The following PDE5A variants were observed in gnomAD, a reference collection of about 807,000 sequenced individuals.
PDE5A encodes phosphodiesterase 5A, also known as cGMP-specific 3',5'-cyclic phosphodiesterase.
Under a neutral mutation model 110.2 loss-of-function variants are expected in PDE5A, and 67 were observed. The observed-to-expected ratio is 0.61, with a 90% CI of 0.50 to 0.75. PDE5A has a LOEUF of 0.75. Ranked by LOEUF, PDE5A falls within the 30% of genes least tolerant of loss-of-function variation. The probability of loss-of-function intolerance (pLI) is 0.00; values close to 1 mark genes in which losing one functional copy is unlikely to be tolerated. For missense variants in PDE5A, 862 were observed against 1,045.1 expected, an observed-to-expected ratio of 0.82 and a Z score of 2.42; for synonymous variants, 328 against 351.2, an observed-to-expected ratio of 0.93 and a Z score of 0.74.
At chr4:119,580,855 A>T (rs915618025) in intron 3 of PDE5A, among the ~76,000 whole-genome samples, 3 of 152,254 alleles carry the variant, frequency 2.0e-5, no homozygotes, top group Non-Finnish European at 2.9e-5. Flanking sequence ...GTTGTATTTC[A>T]TATCAGAATA....
Position 119,525,569 on chromosome 4 carries a change from T to C in PDE5A, c.1759A>G (p.Asn587Asp). Reference protein sequence around the residue: ...RMFTDLNLVQNFQMKHEVLCR... With the variant: ...RMFTDLNLVQDFQMKHEVLCR... ...CCTACCTCATGTTTCATCTGGAAGT[T>C]CTGCACAAGGTTGAGGTCAGTAAAC... Residue 587 changes from asparagine (N) to aspartate (D), a missense_variant, in exon 12 of 21, where the codon AAC (asparagine) becomes GAC (aspartate). By Grantham distance (23) the Asn-to-Asp change is conservative. Coordinates refer to ENST00000354960, the MANE Select transcript of PDE5A (RefSeq NM_001083.4). This position sits in a 1 kb window ranked among gnomAD's most constrained non-coding sequence, Gnocchi z 4.3. The C allele has an allele frequency of 6.2e-7, 1 of 1,613,044 alleles. No individual in the cohort carries two copies. Among genetic ancestry groups the C allele is most frequent in the South Asian group, 1.1e-5 (1 of 91,026 alleles).
At chr4:119,518,807 A>T (rs1726006578) in intron 14 of PDE5A, among the ~76,000 whole-genome samples, 1 of 152,222 alleles carries the variant, frequency 6.6e-6, no homozygotes, top group Non-Finnish European at 1.5e-5. Flanking sequence ...AAACTAAAGT[A>T]AAACTCCTGG....
In PDE5A at chr4:119,607,297, T is replaced by G; in HGVS notation, c.153A>C (p.Arg51Ser). The stretch of plus-strand genomic sequence containing the variant: ...CAGCAAACCATGCATTGACCATTTC[T>G]CTGCAGAACAGAACGTGCAGACACA... Reference protein sequence around the residue: ...TFSYFVRKATREMVNAWFAER... With the variant: ...TFSYFVRKATSEMVNAWFAER... The change falls in exon 2 of 21, where the codon AGA (arginine) becomes AGC (serine). Residue 51 changes from arginine to serine, a missense_variant and splice_region_variant. Arg to Ser is a moderately radical substitution (Grantham distance 110, BLOSUM62 -1). Coordinates refer to ENST00000354960, the MANE Select transcript of PDE5A (RefSeq NM_001083.4). 6.2e-7 allele frequency: 1 copy of G among 1,602,560 alleles called. No individual in the cohort carries two copies. Among genetic ancestry groups the G allele is most frequent in the South Asian group, 1.1e-5 (1 of 90,796 alleles).
At chr4:119,559,877 T>A (rs1434584758) in intron 7 of PDE5A, among the ~76,000 whole-genome samples, 3 of 152,176 alleles carry the variant, frequency 2.0e-5, no homozygotes, top group South Asian at 4.1e-4. Context: ...AATCCATGGT[T>A]TATCTCCCTT....
At chr4:119,624,561 C>T (rs1156772060) in intron 1 of PDE5A, among the ~76,000 whole-genome samples, 1 of 152,194 alleles carries the variant, frequency 6.6e-6, no homozygotes, top group African/African-American at 2.4e-5. Flanking sequence ...GTCATAAAAA[C>T]TTGCCCTCAC....
chr4:119,541,211 A>G (rs1330083762), intron 10 of PDE5A, among the ~76,000 whole-genome samples: 1 of 152,024 alleles, frequency 6.6e-6, no homozygotes, highest in Non-Finnish European at 1.5e-5. Flanking sequence ...ATAATAAAAC[A>G]TTTAAAAAAG....
Position 119,627,182 on chromosome 4 carries a change from C to G in PDE5A, c.152+1338G>C, listed in dbSNP as rs748165766. 2 of 1,612,818 alleles carry G rather than the reference C, an allele frequency of 1.2e-6. No homozygotes were observed. The highest frequency in any genetic ancestry group is 1.7e-6 in the Non-Finnish European group (2 of 1,179,348). Reference sequence around the variant, plus strand: ...TGTCTCCAAAGGGCAACATAGCAAACGTGGGAAGTTCGTTTTCGAACTCCG... The same window carrying G: ...TGTCTCCAAAGGGCAACATAGCAAAGGTGGGAAGTTCGTTTTCGAACTCCG... On this transcript the variant is annotated intron_variant, in intron 1 of 20. Coordinates refer to ENST00000354960, the MANE Select transcript of PDE5A (RefSeq NM_001083.4). This position sits in a 1 kb window ranked among gnomAD's most constrained non-coding sequence, Gnocchi z 4.6.
chr4:119,505,122 T>C (rs969834549), intron 17 of PDE5A, among the ~76,000 whole-genome samples: 1 of 151,994 alleles, frequency 6.6e-6, no homozygotes, highest in African/African-American at 2.4e-5. Flanking sequence ...TGTTTCTGCA[T>C]GTTGAATTAT....
Position 119,504,534 on chromosome 4 carries a change from A to G in PDE5A, c.2331+2T>C. On this transcript the variant is annotated splice_donor_variant, in intron 18 of 20. Coordinates refer to ENST00000354960, the MANE Select transcript of PDE5A (RefSeq NM_001083.4). LOFTEE classifies it high-confidence loss of function. The stretch of plus-strand genomic sequence containing the variant: ...TATTGTTATTGTCACTAAGTAACAT[A>G]CCCGTTGTTGAATAGGCCAGGGTTT... The G allele has an allele frequency of 1.9e-6, 3 of 1,608,588 alleles. No individual in the cohort carries two copies. The highest frequency in any genetic ancestry group is 2.6e-6 in the Non-Finnish European group (3 of 1,175,672).
chr4:119,521,207 T>A, intron 12 of PDE5A, 147 bp from the exon 13 acceptor site: 1 of 851,914 alleles, frequency 1.2e-6, no homozygotes, highest in Non-Finnish European at 1.7e-6. Context: ...CTCAGAGAGG[T>A]AACTTGCTGA....
At position 119,565,359 on chromosome 4, in the gene PDE5A, G is replaced by GT; in HGVS notation, c.954_955insA (p.Leu319ThrfsTer3). On this transcript the variant is annotated frameshift_variant, in exon 5 of 21. Transcript: ENST00000354960. LOFTEE classifies it high-confidence loss of function. ...TTCTCCAGCAGTGAAGTCTCATAGA[G>GT]CTGAGCATTATGAAGAACAATACCA... is the stretch of plus-strand genomic sequence containing the variant. 1.2e-6 allele frequency: 2 copies of GT among 1,612,402 alleles called. No homozygotes were observed. The highest frequency in any genetic ancestry group is 1.7e-6 in the Non-Finnish European group (2 of 1,178,888).
intron 7 of PDE5A, among the ~76,000 whole-genome samples, chr4:119,558,439 T>C (rs557132915): frequency 6.6e-6 from 1 of 152,272 alleles, no homozygotes; most frequent in South Asian, 2.1e-4. Flanking sequence ...TAGTACTTCA[T>C]CAAATTGAGA....
intron 3 of PDE5A, among the ~76,000 whole-genome samples, chr4:119,594,303 C>T (rs761400076): frequency 8.5e-5 from 13 of 152,144 alleles, no homozygotes; most frequent in Non-Finnish European, 1.9e-4. Context: ...AGAAATTGTT[C>T]ACACTATCTA....
intron 1 of PDE5A, among the ~76,000 whole-genome samples, chr4:119,622,677 T>C (rs1162133867): frequency 6.6e-6 from 1 of 151,756 alleles, no homozygotes; most frequent in African/African-American, 2.4e-5. Context: ...ATCGAGACCA[T>C]CCTGGCTAAC....
intron 11 of PDE5A, among the ~76,000 whole-genome samples, chr4:119,528,505 G>A (rs1430403691): frequency 6.6e-6 from 1 of 152,106 alleles, no homozygotes; most frequent in Non-Finnish European, 1.5e-5. Flanking sequence ...TTACATTTCA[G>A]CATGAGATGA....
At position 119,578,826 on chromosome 4, in the gene PDE5A, A is replaced by G. The variant is rs1325990783; in HGVS notation, c.832-11682T>C. Among the ~76,000 whole-genome samples, 4 of 152,180 alleles carry G rather than the reference A, an allele frequency of 2.6e-5. No individual in the cohort carries two copies. The South Asian group carries it at 8.3e-4, about 32-fold the overall frequency. On this transcript the variant is annotated intron_variant, in intron 3 of 20. Transcript: ENST00000354960. The stretch of plus-strand genomic sequence containing the variant: ...CCAAAAGCAATGACAACAAAAGCCA[A>G]AATTGACAAATGGGATCTAATTAAA...
In PDE5A at chr4:119,520,915, T is replaced by A. The variant is rs1726105119; in HGVS notation, c.1905+20A>T. ...TAAGCAACAAAATGTATTAGATATA[T>A]GAATGGCTCTAAAAAGTACCTGAAT... On this transcript the variant is annotated intron_variant, in intron 13 of 20. Transcript: ENST00000354960. The A allele has an allele frequency of 1.3e-6, 2 of 1,598,314 alleles. No homozygotes were observed. The highest frequency in any genetic ancestry group is 1.7e-5 in the Admixed American group (1 of 57,352).
intron 16 of PDE5A, among the ~76,000 whole-genome samples, chr4:119,507,268 TG>T (rs1311049688): frequency 1.3e-5 from 2 of 151,790 alleles, no homozygotes; most frequent in African/African-American, 2.4e-5. Context: ...TCAGAAGTTG[TG>T]GGGAGCAAGG....
intron 15 of PDE5A, among the ~76,000 whole-genome samples, chr4:119,510,055 A>G (rs950670850): frequency 5.0e-5 from 7 of 140,212 alleles, no homozygotes; most frequent in African/African-American, 7.6e-5. Flanking sequence ...GAGGTTGGGG[A>G]GAGAGGAAGG....
Sources: gnomAD v4.1 joint callset for allele counts (sites outside exome capture counted in the v4.1 genomes callset) on GRCh38, gnomAD v4.1.1 for gene constraint, Gnocchi (gnomAD v3.1) non-coding constraint, MANE v1.5 for transcripts, NCBI Gene and HGNC (gene_info 2026-07-23, HGNC 2026-07-21) for gene names.